LINGO3: variants seen among roughly 807,000 people sequenced by gnomAD.
LINGO3 encodes leucine-rich repeat and immunoglobulin-like domain-containing nogo receptor-interacting protein 3.
For synonymous variants in LINGO3, 427 were observed against 444.2 expected (o/e 0.96, Z 0.49); for missense variants, 750 against 867.7 (o/e 0.86, Z 1.70).
At chr19:2,296,158 CAG>C (rs1322635121), upstream of LINGO3, among the ~76,000 whole-genome samples, 1 of 152,224 alleles carries the variant, frequency 6.6e-6, no homozygotes, top group African/African-American at 2.4e-5. Flanking sequence ...ACAGCACACT[CAG>C]GGGCTGTGTC....
chr19:2,291,923 G>A (rs781157533), exon 1 of LINGO3: 64 of 695,322 alleles, frequency 9.2e-5, no homozygotes, highest in South Asian at 8.5e-4. Flanking sequence ...ACGGCGGCTC[G>A]CTCCTGTAAA....
At chr19:2,304,291 C>T in the LINGO3 span, among the ~76,000 whole-genome samples, 2 of 152,078 alleles carry the variant, frequency 1.3e-5, no homozygotes, top group African/African-American at 2.4e-5. Flanking sequence ...CAAGTAAAGC[C>T]GACTGTCACA....
the LINGO3 span, among the ~76,000 whole-genome samples, chr19:2,297,600 G>T: frequency 7.0e-6 from 1 of 143,702 alleles, no homozygotes; most frequent in Non-Finnish European, 1.5e-5. Flanking sequence ...ACCGCACCCG[G>T]CCTTTTTTTT....
downstream of LINGO3, among the ~76,000 whole-genome samples, chr19:2,287,409 A>G (rs2025478191): frequency 6.6e-6 from 1 of 152,268 alleles, no homozygotes; most frequent in South Asian, 2.1e-4. This position sits in a 1 kb window ranked among gnomAD's most constrained non-coding sequence, Gnocchi z 4.5. Context: ...CATGGTAAGC[A>G]GAGTCAGACA....
chr19:2,302,850 G>A, the LINGO3 span, among the ~76,000 whole-genome samples: 2 of 152,216 alleles, frequency 1.3e-5, no homozygotes, highest in South Asian at 2.1e-4. Flanking sequence ...GAACAGGTGG[G>A]GGTGGTCCCT....
At chr19:2,307,983 T>C in the LINGO3 span, among the ~76,000 whole-genome samples, 1 of 150,970 alleles carries the variant, frequency 6.6e-6, no homozygotes, top group African/African-American at 2.4e-5. Flanking sequence ...GGTCGCGGGT[T>C]GGGGGCTTTG....
chr19:2,291,643 A>C (rs2025524405), exon 1 of LINGO3: 1 of 1,428,686 alleles, frequency 7.0e-7, no homozygotes, highest in African/African-American at 1.5e-5. Context: ...CACGGCGGTC[A>C]GGCGGCGGCG....
upstream of LINGO3, among the ~76,000 whole-genome samples, chr19:2,292,990 G>A (rs140520521): frequency 1.1e-4 from 17 of 152,278 alleles, no homozygotes; most frequent in South Asian, 6.2e-4. Flanking sequence ...CCCAGGCCAC[G>A]GTGGGGATGC....
At chr19:2,301,029 C>A in the LINGO3 span, among the ~76,000 whole-genome samples, 1 of 151,976 alleles carries the variant, frequency 6.6e-6, no homozygotes, top group South Asian at 2.1e-4. Context: ...AGCAGAATCA[C>A]CCTGGTTCAG....
At chr19:2,305,475 G>T in the LINGO3 span, among the ~76,000 whole-genome samples, 2 of 152,088 alleles carry the variant, frequency 1.3e-5, no homozygotes, top group African/African-American at 4.8e-5. Flanking sequence ...CTGGTGGTGT[G>T]GGCAGCTCCT....
chr19:2,290,094 G>GT lies in LINGO3; in HGVS notation c.1682dup (p.Asn561LysfsTer100). On this transcript the variant is annotated frameshift_variant, in exon 1 of 1. Coordinates refer to ENST00000585527, the Ensembl canonical transcript of LINGO3. LOFTEE classifies it low-confidence loss of function (END_TRUNC). This position sits in a 1 kb window ranked among gnomAD's most constrained non-coding sequence, Gnocchi z 6.0. ...GGAAGGAGTACTCCACCGAGAAGTTGTTTTTGTGCTGCCCGCGGCCGCGGC... is the reference window on the plus strand; with the variant it reads ...GGAAGGAGTACTCCACCGAGAAGTTGTTTTTTGTGCTGCCCGCGGCCGCGGC... 3 of 1,598,558 alleles carry GT rather than the reference G, an allele frequency of 1.9e-6. No individual in the cohort carries two copies. The highest frequency in any genetic ancestry group is 2.6e-6 in the Non-Finnish European group (3 of 1,173,346).
At chr19:2,306,346 G>C in the LINGO3 span, among the ~76,000 whole-genome samples, 14 of 152,234 alleles carry the variant, frequency 9.2e-5, no homozygotes, top group African/African-American at 3.4e-4. Context: ...ATTGACATGT[G>C]GTGGTGGGCG....
At chr19:2,291,022 G>C in exon 1 of LINGO3, 1 of 1,611,314 alleles carries the variant, frequency 6.2e-7, no homozygotes, top group Non-Finnish European at 8.5e-7. Context: ...GTGGGTGACC[G>C]ACAGCGAGGT....
chr19:2,303,672 G>A, the LINGO3 span, among the ~76,000 whole-genome samples: 1 of 152,184 alleles, frequency 6.6e-6, no homozygotes, highest in African/African-American at 2.4e-5. Context: ...TGCGTGGTCC[G>A]ACCCCAGGTC....
upstream of LINGO3, among the ~76,000 whole-genome samples, chr19:2,292,257 G>A (rs1768832632): frequency 6.7e-6 from 1 of 149,282 alleles, no homozygotes; most frequent in African/African-American, 2.5e-5. Context: ...GTTTACCCAG[G>A]CATGGTGGCC....
exon 1 of LINGO3, chr19:2,291,492 G>T: frequency 6.2e-7 from 1 of 1,611,940 alleles, no homozygotes; most frequent in South Asian, 1.1e-5. Flanking sequence ...CGAAGGCGCC[G>T]GGCTCCACGT....
the LINGO3 span, among the ~76,000 whole-genome samples, chr19:2,301,989 C>T: frequency 6.9e-6 from 1 of 145,902 alleles, no homozygotes; most frequent in East Asian, 2.0e-4. Flanking sequence ...CTTCGATGAA[C>T]TGGAAACACA....
chr19:2,301,578 C>T, the LINGO3 span, among the ~76,000 whole-genome samples: 1 of 152,070 alleles, frequency 6.6e-6, no homozygotes, highest in Non-Finnish European at 1.5e-5. Context: ...GAGGCGGAGA[C>T]CCAGAGACGG....
chr19:2,302,656 G>C, the LINGO3 span, among the ~76,000 whole-genome samples: 10 of 152,344 alleles, frequency 6.6e-5, no homozygotes, highest in African/African-American at 2.2e-4. Flanking sequence ...TCTGCTGCCC[G>C]GTCTCGGGAG....
Sources: allele counts gnomAD v4.1 joint callset (sites outside exome capture counted in the v4.1 genomes callset), GRCh38; gene constraint gnomAD v4.1.1; non-coding constraint Gnocchi (gnomAD v3.1); transcripts MANE v1.5; gene names NCBI Gene and HGNC (gene_info 2026-07-23, HGNC 2026-07-21).